CIZ1: variants seen among roughly 807,000 people sequenced by gnomAD.
The protein encoded by CIZ1 is CDKN1A interacting zinc finger protein 1.
In CIZ1, 58 loss-of-function variants were observed where a neutral mutation model predicts 118.6. The observed-to-expected ratio is 0.49, with a 90% confidence interval of 0.40 to 0.61. The LOEUF is 0.61. Among genes scored for constraint, CIZ1 ranks in the 20% least tolerant of loss-of-function variants. CIZ1 has a pLI of 0.00. For synonymous variants in CIZ1, 448 were observed against 443.4 expected (o/e 1.01, Z -0.13); for missense variants, 921 against 1,115.9 (o/e 0.83, Z 2.49).
At chr9:128,200,932 G>A (rs1833497534) in intron 1 of CIZ1, among the ~76,000 whole-genome samples, 1 of 151,624 alleles carries the variant, frequency 6.6e-6, no homozygotes, top group Non-Finnish European at 1.5e-5. Context: ...TCAAGAGATC[G>A]AGACCATCCC....
Position 128,166,099 on chromosome 9 carries a change from GA to G in CIZ1, c.*97del. On this transcript the variant is annotated 3_prime_UTR_variant, in exon 17 of 17. Coordinates refer to ENST00000372938, the MANE Select transcript of CIZ1 (RefSeq NM_001131016.2). The surrounding 1 kb of genome is among the most constrained non-coding windows in gnomAD (Gnocchi z 4.4). ...AAACTACCTTGTTTTATTGGATTTT[GA>G]GTAAAAACATGAACCATGTCAAAGT... The G allele has an allele frequency of 1.2e-6, 1 of 862,288 alleles. No homozygotes were observed. Among genetic ancestry groups the G allele is most frequent in the Non-Finnish European group, 1.7e-6 (1 of 594,482 alleles). 53.4% of individuals were successfully genotyped at this position (862,288 alleles called of 1,614,324 possible). A position where few individuals can be genotyped will look rare whatever the true frequency, so the allele number is the denominator to read the frequency against.
chr9:128,177,274 T>C (rs1830982640), intron 10 of CIZ1, among the ~76,000 whole-genome samples: 1 of 152,132 alleles, frequency 6.6e-6, no homozygotes, highest in Non-Finnish European at 1.5e-5. Flanking sequence ...AGAGCCGATA[T>C]GAACCAGGTC....
intron 6 of CIZ1, 75 bp from the exon 7 acceptor site, chr9:128,180,598 G>T (rs1831458412): frequency 7.0e-7 from 1 of 1,423,970 alleles, no homozygotes; most frequent in Non-Finnish European, 9.8e-7. Context: ...GATGGGGCCT[G>T]GGCTCCCCGC....
intron 8 of CIZ1, 46 bp downstream of exon 8, chr9:128,178,663 A>G: frequency 6.3e-7 from 1 of 1,589,088 alleles, no homozygotes; most frequent in Non-Finnish European, 8.6e-7. Flanking sequence ...GGGTCTGGGC[A>G]GAGCTGTCCC....
In CIZ1 at chr9:128,169,218, C is replaced by T. The variant is rs778661202; in HGVS notation, c.2146-17G>A. Reference sequence around the variant, plus strand: ...CGACTTCAGCTGCCCAGGGAGTAGGCAAGGAGCTCAGGTCAGCTCTGAACA... The same window carrying T: ...CGACTTCAGCTGCCCAGGGAGTAGGTAAGGAGCTCAGGTCAGCTCTGAACA... On this transcript the variant is annotated splice_polypyrimidine_tract_variant and intron_variant, in intron 13 of 16. Transcript: ENST00000372938. 6 of 1,613,708 alleles carry T rather than the reference C, an allele frequency of 3.7e-6. No individual in the cohort carries two copies. In the African/African-American group the frequency reaches 8.0e-5, roughly 22 times the overall value.
chr9:128,187,997 A>G (rs1277440491), intron 3 of CIZ1, 63 bp from the exon 4 acceptor site: 2 of 615,590 alleles, frequency 3.2e-6, no homozygotes, highest in Non-Finnish European at 6.1e-6. Flanking sequence ...CCCCTGACTC[A>G]GTGAGAAAAC....
chr9:128,185,970 G>C (rs1832316416), intron 4 of CIZ1, among the ~76,000 whole-genome samples, 194 bp from the exon 5 acceptor site: 1 of 152,126 alleles, frequency 6.6e-6, no homozygotes, highest in Non-Finnish European at 1.5e-5. Context: ...GGTGAAGGAA[G>C]CTTTAGGGCT....
chr9:128,171,852 A>G (rs1463361254), intron 11 of CIZ1, among the ~76,000 whole-genome samples: 2 of 152,064 alleles, frequency 1.3e-5, no homozygotes, highest in African/African-American at 4.8e-5. Context: ...CAGAAATCAT[A>G]AAGGAAAAAA....
At chr9:128,192,234 G>A (rs951969036), upstream of CIZ1, among the ~76,000 whole-genome samples, 1 of 152,028 alleles carries the variant, frequency 6.6e-6, no homozygotes, top group Non-Finnish European at 1.5e-5. Context: ...AGCCAGGGTG[G>A]TGGCGGGCGT....
rs1220254599 is a variant in CIZ1 at position 128,203,328 on chromosome 9, G to A, written c.-6+858C>T. 1.4e-6 allele frequency: 1 copy of A among 720,486 alleles called. No homozygotes were observed. The highest frequency in any genetic ancestry group is 1.8e-6 in the Non-Finnish European group (1 of 547,654). The allele number at this position is 720,486 out of a possible 1,614,324, so 44.6% of individuals were successfully genotyped here. ...CGCGGGCTCCCCCTAGCGGCGTCCG[G>A]GAGCGGTGCTCGCTCCGATCCCCGA... is the stretch of plus-strand genomic sequence containing the variant. On this transcript the variant is annotated intron_variant, in intron 1 of 17. Coordinates refer to the CIZ1 transcript ENST00000372948. The surrounding 1 kb of genome is among the most constrained non-coding windows in gnomAD (Gnocchi z 5.3).
At chr9:128,195,479 G>A (rs1833355022), upstream of CIZ1, among the ~76,000 whole-genome samples, 3 of 151,752 alleles carry the variant, frequency 2.0e-5, no homozygotes, top group Non-Finnish European at 2.9e-5. Context: ...CACCACACCC[G>A]GCTAATTTTT....
chr9:128,185,429 A>G (rs1161452942), intron 5 of CIZ1, 118 bp downstream of exon 5: 5 of 543,044 alleles, frequency 9.2e-6, no homozygotes, highest in Admixed American at 3.5e-5. Context: ...AGATGAGGAA[A>G]CTGAGGCATA....
chr9:128,194,502 TA>T (rs1290090885), upstream of CIZ1, among the ~76,000 whole-genome samples: 1 of 152,052 alleles, frequency 6.6e-6, no homozygotes, highest in Non-Finnish European at 1.5e-5. Flanking sequence ...AATATTTATA[TA>T]TTTTTTCTTT....
At chr9:128,169,370 C>T (rs1829848668) in intron 13 of CIZ1, 36 bp downstream of exon 13, 1 of 1,572,786 alleles carries the variant, frequency 6.4e-7, no homozygotes, top group South Asian at 1.1e-5. Context: ...CTCTGTACCT[C>T]TCTGGGCCCA....
At chr9:128,186,319 C>A (rs1030941732) in intron 4 of CIZ1, among the ~76,000 whole-genome samples, 1 of 152,054 alleles carries the variant, frequency 6.6e-6, no homozygotes, top group Non-Finnish European at 1.5e-5. Context: ...AGGGTCGCTA[C>A]GAGGGACACT....
At chr9:128,196,238 G>A (rs961695536), upstream of CIZ1, among the ~76,000 whole-genome samples, 6 of 151,942 alleles carry the variant, frequency 3.9e-5, no homozygotes, top group South Asian at 2.1e-4. Flanking sequence ...TTTACCCCCC[G>A]TTTTTCAGTT....
chr9:128,179,235 T>C lies in CIZ1; in HGVS notation c.972A>G (p.Ser324=), dbSNP rs1359528634. The change falls in exon 8 of 17, where the codon TCA becomes TCG. Residue 324 remains serine, a synonymous_variant. Transcript: ENST00000372938. ...TGGATGGTATCCGCGGCTGAGTCTG[T>C]GACTGCACCTGGGCCTGGACCTGCA... The part of the protein sequence containing the change: ...RVLQVQAQVQ[S]QTQPRIPSTD... 3.7e-6 allele frequency: 6 copies of C among 1,614,050 alleles called. No individual in the cohort carries two copies. Among genetic ancestry groups the C allele is most frequent in the Non-Finnish European group, 8.5e-7 (1 of 1,180,026 alleles).
intron 1 of CIZ1, among the ~76,000 whole-genome samples, chr9:128,199,400 G>A (rs1042515910): frequency 3.3e-5 from 5 of 151,312 alleles, no homozygotes; most frequent in South Asian, 4.2e-4. Flanking sequence ...ACAGTTGGTG[G>A]TCAAAACTTT....
chr9:128,179,476 G>A, intron 7 of CIZ1, 61 bp from the exon 8 acceptor site: 1 of 1,482,790 alleles, frequency 6.7e-7, no homozygotes, highest in Non-Finnish European at 9.0e-7. Flanking sequence ...GGGCTCCCAA[G>A]TAAGGCCAAA....
Sources: allele counts gnomAD v4.1 joint callset (sites outside exome capture counted in the v4.1 genomes callset), GRCh38; gene constraint gnomAD v4.1.1; non-coding constraint Gnocchi (gnomAD v3.1); transcripts MANE v1.5; gene names NCBI Gene and HGNC (gene_info 2026-07-23, HGNC 2026-07-21).